Variants in ELAPOR2 observed in about 807,000 individuals in gnomAD.
The protein encoded by ELAPOR2 is endosome-lysosome associated apoptosis and autophagy regulator family member 2.
Under a neutral mutation model 120.7 loss-of-function variants are expected in ELAPOR2, and 89 were observed. That is an observed-to-expected ratio of 0.74 (90% CI 0.62 to 0.88). The LOEUF is 0.88. ELAPOR2 is among the 40% of genes least tolerant of loss of function. The pLI is 0.00. For missense variants in ELAPOR2, 1,134 were observed against 1,251.6 expected, an observed-to-expected ratio of 0.91 and a Z score of 1.42; for synonymous variants, 444 against 444.9, an observed-to-expected ratio of 1.00 and a Z score of 0.03.
At chr7:87,011,495 G>A (rs972479430) in intron 1 of ELAPOR2, among the ~76,000 whole-genome samples, 4 of 152,144 alleles carry the variant, frequency 2.6e-5, no homozygotes, top group Non-Finnish European at 5.9e-5. Context: ...TCATACTTGA[G>A]TAATAATTGC....
At chr7:86,928,451 G>A (rs901673498) in intron 8 of ELAPOR2, among the ~76,000 whole-genome samples, 6 of 151,930 alleles carry the variant, frequency 3.9e-5, no homozygotes, top group Non-Finnish European at 5.9e-5. Context: ...AATGGATTGC[G>A]TTATGTGTGA....
At chr7:86,967,555 G>C (rs1377205301) in intron 1 of ELAPOR2, among the ~76,000 whole-genome samples, 2 of 152,132 alleles carry the variant, frequency 1.3e-5, no homozygotes, top group Non-Finnish European at 2.9e-5. Flanking sequence ...TATCATCCTA[G>C]CAAAATAATG....
chr7:86,900,632 A>T (rs1188896669), intron 18 of ELAPOR2, among the ~76,000 whole-genome samples: 1 of 152,188 alleles, frequency 6.6e-6, no homozygotes, highest in Non-Finnish European at 1.5e-5. Context: ...TTGTTAAAAG[A>T]TACTCTTAGC....
intron 1 of ELAPOR2, among the ~76,000 whole-genome samples, chr7:87,050,826 T>G (rs562482693): frequency 6.6e-6 from 1 of 152,110 alleles, no homozygotes; most frequent in Non-Finnish European, 1.5e-5. Context: ...ATTCAGCTAT[T>G]GGGAAGAGGA....
At chr7:86,931,117 G>A (rs1790305507) in intron 8 of ELAPOR2, among the ~76,000 whole-genome samples, 1 of 151,836 alleles carries the variant, frequency 6.6e-6, no homozygotes. Context: ...ATGATCATGG[G>A]GAAGTTACTT....
chr7:86,981,599 T>C (rs1000301156), intron 1 of ELAPOR2, among the ~76,000 whole-genome samples: 2 of 152,246 alleles, frequency 1.3e-5, no homozygotes, highest in Non-Finnish European at 2.9e-5. Flanking sequence ...GCTTCTCTGC[T>C]TCAGGCAACT....
At chr7:87,015,514 A>C (rs1028842591) in intron 1 of ELAPOR2, among the ~76,000 whole-genome samples, 1 of 152,150 alleles carries the variant, frequency 6.6e-6, no homozygotes, top group African/African-American at 2.4e-5. Context: ...CTGGCCAGAC[A>C]TGGTGGTTCA....
At chr7:87,003,810 G>C (rs572553388) in intron 1 of ELAPOR2, among the ~76,000 whole-genome samples, 14 of 152,264 alleles carry the variant, frequency 9.2e-5, no homozygotes, top group African/African-American at 3.4e-4. Context: ...AAATAAAGAA[G>C]CTCAGCCTCT....
At chr7:86,946,157 T>TCACA (rs1491424238) in intron 3 of ELAPOR2, among the ~76,000 whole-genome samples, 6 of 110,552 alleles carry the variant, frequency 5.4e-5, no homozygotes, top group African/African-American at 2.5e-4. Context: ...GGATACCATT[T>TCACA]CTCACACACA....
chr7:86,910,249 C>T (rs563122803), intron 15 of ELAPOR2, among the ~76,000 whole-genome samples: 44 of 152,220 alleles, frequency 2.9e-4, no homozygotes, highest in Middle Eastern at 3.4e-3. Context: ...CTATACTGCT[C>T]TTCCCAGTAC....
chr7:86,906,405 TCTA>T (rs1789018620), intron 18 of ELAPOR2, among the ~76,000 whole-genome samples: 2 of 152,034 alleles, frequency 1.3e-5, no homozygotes, highest in African/African-American at 4.8e-5. Flanking sequence ...AAATCATAGG[TCTA>T]TGAGAAGTGG....
intron 1 of ELAPOR2, among the ~76,000 whole-genome samples, chr7:87,024,055 A>G (rs1562972601): frequency 6.6e-6 from 1 of 151,872 alleles, no homozygotes; most frequent in East Asian, 1.9e-4. Flanking sequence ...AATACCCTTT[A>G]TTTCCTTCTC....
At chr7:86,941,025 T>G (rs936318215) in intron 5 of ELAPOR2, among the ~76,000 whole-genome samples, 1 of 152,086 alleles carries the variant, frequency 6.6e-6, no homozygotes, top group African/African-American at 2.4e-5. Flanking sequence ...GGTATACAGA[T>G]TTTTAAAAAT....
At chr7:86,949,986 A>G (rs1399376534) in intron 2 of ELAPOR2, among the ~76,000 whole-genome samples, 2 of 151,306 alleles carry the variant, frequency 1.3e-5, no homozygotes, top group Non-Finnish European at 3.0e-5. Flanking sequence ...GTGGGCCAGA[A>G]TGGGAACTTG....
chr7:86,981,780 G>A (rs1276611238), intron 1 of ELAPOR2, among the ~76,000 whole-genome samples: 1 of 152,188 alleles, frequency 6.6e-6, no homozygotes, highest in African/African-American at 2.4e-5. Flanking sequence ...TCCAACTAAG[G>A]TACCTGGTTC....
chr7:87,004,960 A>G (rs765226574), intron 1 of ELAPOR2, among the ~76,000 whole-genome samples: 15 of 152,114 alleles, frequency 9.9e-5, no homozygotes, highest in Non-Finnish European at 1.9e-4. Context: ...AGAGCTACCA[A>G]TAATGAGATC....
chr7:86,883,137 C>T (rs1366320745), intron 21 of ELAPOR2, among the ~76,000 whole-genome samples: 2 of 151,576 alleles, frequency 1.3e-5, no homozygotes, highest in Non-Finnish European at 2.9e-5. Flanking sequence ...ACGTAACACC[C>T]AAATTTGGCA....
At chr7:87,012,429 T>G (rs892268027) in intron 1 of ELAPOR2, among the ~76,000 whole-genome samples, 21 of 152,004 alleles carry the variant, frequency 1.4e-4, no homozygotes, top group African/African-American at 4.8e-4. Context: ...TAAAAAAAAG[T>G]AGTCAATATC....
Position 87,059,361 on chromosome 7 carries a change from G to C in ELAPOR2, c.153C>G (p.Pro51=), listed in dbSNP as rs993861757. ...GCQAAWAGDL[P]SSSSRPLPPC... Reference sequence around the variant, plus strand: ...GAGGAAGCGGGCGGCTGGAGGAGGAGGGCAGGTCCCCAGCCCAGGCCGCCT... The same window carrying C: ...GAGGAAGCGGGCGGCTGGAGGAGGACGGCAGGTCCCCAGCCCAGGCCGCCT... The change falls in exon 1 of 22, where the codon CCC becomes CCG. Residue 51 remains proline, a synonymous_variant. Coordinates refer to ENST00000450689, the MANE Select transcript of ELAPOR2 (RefSeq NM_001142749.3). The C allele has an allele frequency of 2.5e-5, 31 of 1,247,280 alleles. No individual in the cohort carries two copies. The African/African-American group carries it at 4.2e-4, about 17-fold the overall frequency. The allele number at this position is 1,247,280 out of a possible 1,614,324, so 77.3% of individuals were successfully genotyped here.
Sources: allele counts gnomAD v4.1 joint callset (sites outside exome capture counted in the v4.1 genomes callset), GRCh38; gene constraint gnomAD v4.1.1; transcripts MANE v1.5; gene names NCBI Gene and HGNC (gene_info 2026-07-23, HGNC 2026-07-21).